Variants in PLEKHA2 observed in about 807,000 individuals in gnomAD.
The protein encoded by PLEKHA2 is pleckstrin homology domain-containing family A member 2.
PLEKHA2 carries 28 observed loss-of-function variants against 53.2 expected under a neutral mutation model. That is an observed-to-expected ratio of 0.53 (90% confidence interval 0.39 to 0.72). The LOEUF (loss-of-function observed/expected upper bound fraction) is 0.72. Ranked by LOEUF, PLEKHA2 falls within the 30% of genes least tolerant of loss-of-function variation. The pLI is 0.00. For missense variants in PLEKHA2, 426 were observed against 537.9 expected (o/e 0.79, Z 2.06); for synonymous variants, 193 against 196.4 (o/e 0.98, Z 0.14).
chr8:38,952,392 G>T, intron 7 of PLEKHA2, 80 bp downstream of exon 7: 1 of 1,536,520 alleles, frequency 6.5e-7, no homozygotes, highest in South Asian at 1.2e-5. Context: ...AGAGGTGAGA[G>T]GGGATTGACA....
At chr8:38,945,047 T>C (rs1206806664) in intron 4 of PLEKHA2, among the ~76,000 whole-genome samples, 2 of 152,032 alleles carry the variant, frequency 1.3e-5, no homozygotes, top group East Asian at 3.9e-4. Flanking sequence ...AATAGTGACA[T>C]GTTGGGGGAT....
intron 1 of PLEKHA2, among the ~76,000 whole-genome samples, chr8:38,912,029 AG>A (rs1441938393): frequency 6.6e-6 from 1 of 151,976 alleles, no homozygotes; most frequent in Non-Finnish European, 1.5e-5. Flanking sequence ...GGCTGGGCGT[AG>A]TGGCTCACGC....
chr8:38,906,019 G>C (rs1258449190), intron 1 of PLEKHA2, among the ~76,000 whole-genome samples: 14 of 152,168 alleles, frequency 9.2e-5, no homozygotes, highest in Non-Finnish European at 4.4e-5. Context: ...TCTCTTAACT[G>C]CCCATGTATT....
chr8:38,937,857 G>T (rs1368501043), intron 3 of PLEKHA2, among the ~76,000 whole-genome samples: 2 of 152,172 alleles, frequency 1.3e-5, no homozygotes, highest in Non-Finnish European at 2.9e-5. Flanking sequence ...TCTTGGAGGA[G>T]AGCGCTTGCC....
Position 38,950,834 on chromosome 8 carries a change from C to T in PLEKHA2, c.346-16C>T. 6.2e-7 allele frequency: 1 copy of T among 1,608,596 alleles called. No individual in the cohort carries two copies. On this transcript the variant is annotated splice_polypyrimidine_tract_variant and intron_variant, in intron 5 of 11. Transcript: ENST00000617275. ...ATGTTCTGTTCCCCATTGATTGTTG[C>T]TGCCGCTCACCCCAGGTTCCCAAAG...
intron 10 of PLEKHA2, among the ~76,000 whole-genome samples, chr8:38,966,276 G>T (rs772720129): frequency 1.0e-4 from 15 of 147,910 alleles, no homozygotes; most frequent in Non-Finnish European, 1.5e-4. Flanking sequence ...TTTCCTGATA[G>T]AATGCAAAGA....
At chr8:38,936,957 G>A (rs552321928) in intron 3 of PLEKHA2, among the ~76,000 whole-genome samples, 7 of 152,304 alleles carry the variant, frequency 4.6e-5, no homozygotes, top group African/African-American at 1.4e-4. Flanking sequence ...TCATCCTCAG[G>A]GGCTGGAGGC....
chr8:38,969,108 C>A, intron 11 of PLEKHA2: 1 of 367,464 alleles, frequency 2.7e-6, no homozygotes, highest in East Asian at 7.0e-5. Flanking sequence ...ACCATGTTGG[C>A]TAGGCTGATC....
chr8:38,953,699 A>G lies in PLEKHA2; in HGVS notation c.773+332A>G, dbSNP rs1791667969. Among the ~76,000 whole-genome samples the G allele has an allele frequency of 2.6e-5, 4 of 152,220 alleles. No individual in the cohort carries two copies. In the South Asian group the frequency reaches 8.3e-4, roughly 31 times the overall value. On this transcript the variant is annotated intron_variant, in intron 9 of 11. Coordinates refer to ENST00000617275, the MANE Select transcript of PLEKHA2 (RefSeq NM_021623.2). ...TAGGATTAGATGCTCAATCCCTAGC[A>G]GAACACAGGCTCAGAGGAGAGACCA... is the stretch of plus-strand genomic sequence containing the variant.
chr8:38,964,689 A>C (rs532090058), intron 10 of PLEKHA2, among the ~76,000 whole-genome samples: 21 of 151,794 alleles, frequency 1.4e-4, no homozygotes, highest in African/African-American at 4.9e-4. Context: ...AACATGGAAA[A>C]ATCCTTCTAT....
intron 3 of PLEKHA2, among the ~76,000 whole-genome samples, chr8:38,941,531 A>G (rs1834613103): frequency 6.6e-6 from 1 of 152,232 alleles, no homozygotes; most frequent in African/African-American, 2.4e-5. Flanking sequence ...TTCACTTTGT[A>G]TGTAGGAGGC....
chr8:38,904,019 G>C (rs954186602), intron 1 of PLEKHA2, among the ~76,000 whole-genome samples: 1 of 152,170 alleles, frequency 6.6e-6, no homozygotes, highest in Non-Finnish European at 1.5e-5. Flanking sequence ...AAATATTATA[G>C]TGTGTTGGCC....
intron 10 of PLEKHA2, among the ~76,000 whole-genome samples, chr8:38,966,989 C>T (rs1294768332): frequency 7.1e-6 from 1 of 140,368 alleles, no homozygotes; most frequent in Non-Finnish European, 1.6e-5. Context: ...TTATTTCACA[C>T]CCTATGTCCA....
At chr8:38,918,421 AC>A (rs1834103623) in intron 2 of PLEKHA2, among the ~76,000 whole-genome samples, 2 of 148,360 alleles carry the variant, frequency 1.3e-5, no homozygotes, top group Non-Finnish European at 3.0e-5. Flanking sequence ...ACATACACAC[AC>A]CACACACACC....
rs1242271677 is a variant in PLEKHA2 at position 38,969,846 on chromosome 8, C to A, written c.*63C>A. ...GACTTGAGAGAAGGAGGCTGTGACTCAGTTTCTCTACCTTGTTGGAGGGTA... is the reference window on the plus strand; with the variant it reads ...GACTTGAGAGAAGGAGGCTGTGACTAAGTTTCTCTACCTTGTTGGAGGGTA... On this transcript the variant is annotated 3_prime_UTR_variant, in exon 12 of 12. Transcript: ENST00000617275. The A allele has an allele frequency of 6.5e-7, 1 of 1,535,352 alleles. No individual in the cohort carries two copies. The highest frequency in any genetic ancestry group is 8.7e-7 in the Non-Finnish European group (1 of 1,143,726).
chr8:38,904,634 TTTAAA>T (rs1235695915), intron 1 of PLEKHA2, among the ~76,000 whole-genome samples: 2 of 152,224 alleles, frequency 1.3e-5, no homozygotes, highest in Non-Finnish European at 1.5e-5. Context: ...GACTTTTTGT[TTTAAA>T]CCTCCTGGAG....
chr8:38,955,300 A>T (rs1401721306), intron 9 of PLEKHA2, among the ~76,000 whole-genome samples: 1 of 152,128 alleles, frequency 6.6e-6, no homozygotes, highest in East Asian at 1.9e-4. Context: ...TGTTTATGTG[A>T]CTTTACTGGC....
chr8:38,971,291 TTCTC>T lies in PLEKHA2; in HGVS notation c.*1511_*1514del, dbSNP rs1835243569. The T allele has an allele frequency of 6.5e-6, 1 of 153,842 alleles. No individual in the cohort carries two copies. The highest frequency in any genetic ancestry group is 6.5e-5 in the Admixed American group (1 of 15,316). The allele number at this position is 153,842 out of a possible 1,614,324, so 9.5% of individuals were successfully genotyped here. ...ACAGGAAATCTACATTGTTCCCTCT[TTCTC>T]TCCCTTCCATCCCTTCCCCTGCCTT... On this transcript the variant is annotated 3_prime_UTR_variant, in exon 12 of 12. Coordinates refer to ENST00000617275, the MANE Select transcript of PLEKHA2 (RefSeq NM_021623.2).
rs185932505 is a variant in PLEKHA2, at chr8:38,903,531, G to A, written c.-24+2086G>A. Among the ~76,000 whole-genome samples the A allele has an allele frequency of 4.6e-5, 7 of 152,274 alleles. No individual in the cohort carries two copies. In the East Asian group the frequency reaches 1.3e-3, roughly 29 times the overall value. ...TAAATCTTGAAGACATGCAGGTTTT[G>A]GTTGGTGCAGGTTTTTGTTCTGCAG... is the stretch of plus-strand genomic sequence containing the variant. On this transcript the variant is annotated intron_variant, in intron 1 of 11. Transcript: ENST00000617275.
Sources: allele counts gnomAD v4.1 joint callset (sites outside exome capture counted in the v4.1 genomes callset), GRCh38; gene constraint gnomAD v4.1.1; transcripts MANE v1.5; gene names NCBI Gene and HGNC (gene_info 2026-07-23, HGNC 2026-07-21).